Variants in LRBA observed in about 807,000 individuals in gnomAD.
The protein encoded by LRBA is lipopolysaccharide-responsive and beige-like anchor protein.
Under a neutral mutation model 330.0 loss-of-function variants are expected in LRBA, and 176 were observed. The ratio of observed to expected loss-of-function variants is 0.53; its 90% CI spans 0.47 to 0.60. LRBA has a LOEUF of 0.60. Ranked by LOEUF, LRBA falls within the 20% of genes least tolerant of loss-of-function variation. The pLI is 0.00. For synonymous variants in LRBA, 1,230 were observed against 1,193.0 expected (o/e 1.03, Z -0.64); for missense variants, 3,259 against 3,444.8 (o/e 0.95, Z 1.35).
intron 53 of LRBA, among the ~76,000 whole-genome samples, chr4:150,286,818 T>C (rs12643608): frequency 0.51 from 76,899 of 152,020 alleles, 20,421 homozygotes; most frequent in South Asian, 0.59. Flanking sequence ...TATGGTTGGT[T>C]GGTTGGTTGG....
chr4:150,278,610 G>A (rs1162247888), intron 55 of LRBA, among the ~76,000 whole-genome samples: 4 of 152,176 alleles, frequency 2.6e-5, no homozygotes, highest in Non-Finnish European at 4.4e-5. Flanking sequence ...TCTAGGCTGT[G>A]CCCCTCTGTC....
At chr4:150,272,351 A>C (rs1248924934) in intron 56 of LRBA, among the ~76,000 whole-genome samples, 1 of 152,152 alleles carries the variant, frequency 6.6e-6, no homozygotes, top group East Asian at 1.9e-4. Flanking sequence ...AAGATAGATA[A>C]ATCCACAAAA....
intron 35 of LRBA, among the ~76,000 whole-genome samples, chr4:150,755,556 T>C (rs1007114745): frequency 3.9e-5 from 6 of 152,146 alleles, no homozygotes; most frequent in Non-Finnish European, 7.4e-5. Context: ...AGATTCAAGA[T>C]GAGAATTTAA....
In LRBA at chr4:150,535,145, T is replaced by C. The variant is rs1275507544; in HGVS notation, c.6331-44110A>G. On this transcript the variant is annotated intron_variant, in intron 40 of 56. Transcript: ENST00000651943. Reference sequence around the variant, plus strand: ...ATCTATTGTGTATTATTTTGTTTTGTTTTTTAGAGATAGTGTCTTTCTCTG... The same window carrying C: ...ATCTATTGTGTATTATTTTGTTTTGCTTTTTAGAGATAGTGTCTTTCTCTG... Among the ~76,000 whole-genome samples, 6 of 152,278 alleles carry C rather than the reference T, an allele frequency of 3.9e-5. No individual in the cohort carries two copies. In the East Asian group the frequency reaches 5.8e-4, roughly 15 times the overall value.
At chr4:150,415,218 A>C (rs1240621931) in intron 47 of LRBA, among the ~76,000 whole-genome samples, 2 of 151,678 alleles carry the variant, frequency 1.3e-5, no homozygotes, top group African/African-American at 2.4e-5. Flanking sequence ...ATATGAATGT[A>C]ACTTAACTTC....
intron 36 of LRBA, among the ~76,000 whole-genome samples, chr4:150,692,602 C>T (rs1784238960): frequency 6.6e-6 from 1 of 152,028 alleles, no homozygotes; most frequent in African/African-American, 2.4e-5. Context: ...GCTCATATAG[C>T]AAATAGGTAA....
At chr4:150,341,183 A>G (rs993809886) in intron 48 of LRBA, among the ~76,000 whole-genome samples, 12 of 152,094 alleles carry the variant, frequency 7.9e-5, no homozygotes, top group African/African-American at 2.9e-4. Flanking sequence ...CTCTTTTGAG[A>G]CAGAGTCTTG....
intron 46 of LRBA, among the ~76,000 whole-genome samples, chr4:150,426,575 T>C (rs1476682622): frequency 6.6e-6 from 1 of 151,918 alleles, no homozygotes; most frequent in Non-Finnish European, 1.5e-5. Context: ...CGGAATTCTA[T>C]ATATACATAA....
intron 36 of LRBA, among the ~76,000 whole-genome samples, chr4:150,707,366 A>G (rs1785730017): frequency 1.3e-5 from 2 of 151,758 alleles, no homozygotes; most frequent in Admixed American, 6.6e-5. Flanking sequence ...CAAAGAAAGT[A>G]TTCCTGTGAA....
chr4:150,742,307 T>C (rs1732117932), intron 35 of LRBA, among the ~76,000 whole-genome samples: 1 of 151,832 alleles, frequency 6.6e-6, no homozygotes, highest in Admixed American at 6.6e-5. Context: ...CATCGTACCC[T>C]GTAAGTTATT....
At chr4:150,418,510 C>CCTT (rs1189015091) in intron 46 of LRBA, among the ~76,000 whole-genome samples, 1 of 152,036 alleles carries the variant, frequency 6.6e-6, no homozygotes. Context: ...AAGGTAATAA[C>CCTT]CATCAGTTTC....
intron 53 of LRBA, among the ~76,000 whole-genome samples, chr4:150,296,804 G>A (rs543480057): frequency 1.4e-4 from 21 of 152,260 alleles, no homozygotes; most frequent in Non-Finnish European, 2.4e-4. Flanking sequence ...CGAAATGAGC[G>A]TTTTTGGAAG....
intron 22 of LRBA, among the ~76,000 whole-genome samples, chr4:150,860,963 T>C (rs1751846950): frequency 6.6e-6 from 1 of 152,224 alleles, no homozygotes; most frequent in Non-Finnish European, 1.5e-5. Flanking sequence ...TTGTATCACC[T>C]ACTATATACC....
chr4:150,578,046 G>GT (rs980734230), intron 40 of LRBA, among the ~76,000 whole-genome samples: 7 of 152,122 alleles, frequency 4.6e-5, no homozygotes, highest in African/African-American at 7.2e-5. Context: ...AGGGCATTAG[G>GT]TTTTTTTACT....
intron 46 of LRBA, among the ~76,000 whole-genome samples, chr4:150,421,317 CATATAA>C (rs1307497136): frequency 1.1e-4 from 15 of 142,580 alleles, no homozygotes; most frequent in Non-Finnish European, 2.0e-4. Context: ...TAAAGTATAA[CATATAA>C]ATATATGTCA....
chr4:150,299,561 C>G (rs192914332), intron 53 of LRBA, among the ~76,000 whole-genome samples: 1 of 151,910 alleles, frequency 6.6e-6, no homozygotes, highest in African/African-American at 2.4e-5. Flanking sequence ...ATTGCCAAAG[C>G]AGTATGTATA....
intron 37 of LRBA, among the ~76,000 whole-genome samples, chr4:150,609,631 G>C (rs1775026360): frequency 6.6e-6 from 1 of 152,184 alleles, no homozygotes; most frequent in Non-Finnish European, 1.5e-5. Flanking sequence ...GTGATGCTGT[G>C]AGCAATTTGA....
At chr4:150,903,725 C>A (rs1731013422) in intron 13 of LRBA, among the ~76,000 whole-genome samples, 2 of 151,742 alleles carry the variant, frequency 1.3e-5, no homozygotes, top group Non-Finnish European at 2.9e-5. Flanking sequence ...GACCCTGCGT[C>A]AAAAAAATAA....
intron 33 of LRBA, among the ~76,000 whole-genome samples, chr4:150,802,181 T>C (rs1426102161): frequency 6.7e-6 from 1 of 149,028 alleles, no homozygotes; most frequent in Non-Finnish European, 1.5e-5. Flanking sequence ...GATCACACCA[T>C]TGCACTCCAG....
Sources: gnomAD v4.1 joint callset for allele counts (sites outside exome capture counted in the v4.1 genomes callset) on GRCh38, gnomAD v4.1.1 for gene constraint, MANE v1.5 for transcripts, NCBI Gene and HGNC (gene_info 2026-07-23, HGNC 2026-07-21) for gene names.